Variants in IL12RB2 observed in about 807,000 individuals in gnomAD.
IL12RB2 encodes interleukin-12 receptor subunit beta-2.
Under a neutral mutation model 89.4 loss-of-function variants are expected in IL12RB2, and 82 were observed. The observed-to-expected ratio is 0.92, with a 90% CI of 0.77 to 1.10. IL12RB2 has a LOEUF of 1.10. Ranked by LOEUF, IL12RB2 falls within the 50% of genes least tolerant of loss-of-function variation. The probability of loss-of-function intolerance (pLI) is 0.00; values close to 1 mark genes in which losing one functional copy is unlikely to be tolerated. For missense variants in IL12RB2, 963 were observed against 1,031.9 expected (o/e 0.93, Z 0.92); for synonymous variants, 368 against 370.1 (o/e 0.99, Z 0.07).
intron 3 of IL12RB2, 84 bp downstream of exon 3, chr1:67,320,528 T>C (rs1267296693): frequency 3.7e-6 from 6 of 1,601,706 alleles, no homozygotes; most frequent in Non-Finnish European, 5.1e-6. Flanking sequence ...TTGTGGTAAA[T>C]GTTCTGGTAG....
Position 67,386,488 on chromosome 1 carries a change from G to A in IL12RB2, c.1856-91G>A, listed in dbSNP as rs948711142. 7.4e-5 allele frequency: 65 copies of A among 877,166 alleles called. No individual in the cohort carries two copies. In the Middle Eastern group the frequency reaches 8.6e-4, roughly 12 times the overall value. 54.3% of individuals were successfully genotyped at this position (877,166 alleles called of 1,614,324 possible). On this transcript the variant is annotated intron_variant, in intron 14 of 16. Coordinates refer to ENST00000674203, the MANE Select transcript of IL12RB2 (RefSeq NM_001374259.2). ...TGAGCACAGCTGCCCAGGAACTGTG[G>A]GTAAGGCCCAGAGGGCGCATACACC...
At chr1:67,334,243 T>C (rs1264893398) in intron 8 of IL12RB2, among the ~76,000 whole-genome samples, 1 of 152,202 alleles carries the variant, frequency 6.6e-6, no homozygotes, top group East Asian at 1.9e-4. Flanking sequence ...ATAGCAAACA[T>C]TTGATAACAG....
In IL12RB2 at chr1:67,396,424, G is replaced by T. The variant is rs1322352127; in HGVS notation, c.*335G>T. 2 of 431,994 alleles carry T rather than the reference G, an allele frequency of 4.6e-6. No homozygotes were observed. The highest frequency in any genetic ancestry group is 8.7e-6 in the Non-Finnish European group (2 of 230,282). The allele number at this position is 431,994 out of a possible 1,614,324, so 26.8% of individuals were successfully genotyped here. A position where few individuals can be genotyped will look rare whatever the true frequency, so the allele number is the denominator to read the frequency against. ...GAAACCACAGCTCTTAGTAGTAATGGCATACAGTCTAGAGGACCATTCATG... is the reference window on the plus strand; with the variant it reads ...GAAACCACAGCTCTTAGTAGTAATGTCATACAGTCTAGAGGACCATTCATG... On this transcript the variant is annotated 3_prime_UTR_variant, in exon 17 of 17. Transcript: ENST00000674203.
At chr1:67,343,568 C>T (rs1214427835) in intron 9 of IL12RB2, among the ~76,000 whole-genome samples, 1 of 152,138 alleles carries the variant, frequency 6.6e-6, no homozygotes, top group Non-Finnish European at 1.5e-5. Context: ...GGGCTTTTAG[C>T]AATCCTCTCC....
chr1:67,340,237 C>T (rs978994183), intron 9 of IL12RB2, among the ~76,000 whole-genome samples: 8 of 152,312 alleles, frequency 5.3e-5, no homozygotes, highest in Admixed American at 2.6e-4. Context: ...CACTTTGAAA[C>T]TAACACTGCA....
chr1:67,374,229 G>T (rs1663694227), intron 13 of IL12RB2, among the ~76,000 whole-genome samples: 1 of 152,110 alleles, frequency 6.6e-6, no homozygotes, highest in Non-Finnish European at 1.5e-5. Context: ...GGCATCATAA[G>T]GGCTTATGGT....
chr1:67,323,676 T>C lies in IL12RB2; in HGVS notation c.364+1787T>C, dbSNP rs115271210. Among the ~76,000 whole-genome samples the C allele has an allele frequency of 9.7e-3, 1,484 of 152,272 alleles. 19 individuals are homozygous for C. Among genetic ancestry groups the C allele is most frequent in the African/African-American group, 0.033 (1,384 of 41,548 alleles). On this transcript the variant is annotated intron_variant, in intron 4 of 16. Coordinates refer to ENST00000674203, the MANE Select transcript of IL12RB2 (RefSeq NM_001374259.2). ...GGTAGAATAAAGACATTTTAAACTA[T>C]GCTCAAAATATTTCCTCGCATGCAC...
Position 67,353,386 on chromosome 1 carries a change from T to G in IL12RB2, c.1258+2297T>G, listed in dbSNP as rs372796864. ...AAGTTTGAGACCAGCCAGGCCAACA[T>G]AAGGAAAAAGATACAAAAAAAAATA... On this transcript the variant is annotated intron_variant, in intron 10 of 16. Transcript: ENST00000674203. Among the ~76,000 whole-genome samples the G allele has an allele frequency of 1.8e-4, 27 of 151,682 alleles. No homozygotes were observed. In the East Asian group the frequency reaches 4.4e-3, roughly 25 times the overall value.
At chr1:67,345,910 G>A (rs1251325597) in intron 9 of IL12RB2, among the ~76,000 whole-genome samples, 2 of 152,158 alleles carry the variant, frequency 1.3e-5, no homozygotes, top group Non-Finnish European at 2.9e-5. Flanking sequence ...GATGGAAAGG[G>A]CATTTTAAAG....
In IL12RB2 at chr1:67,329,592, C is replaced by G. The variant is rs1000829345; in HGVS notation, c.670C>G (p.Pro224Ala). 6.3e-7 allele frequency: 1 copy of G among 1,578,846 alleles called. No homozygotes were observed. The highest frequency in any genetic ancestry group is 8.7e-7 in the Non-Finnish European group (1 of 1,147,960). ...TTGTTTGTCCTGGTTACTAGTGAGGCCTCTTCCTCCGTGGGACATTAGAAT... is the reference window on the plus strand; with the variant it reads ...TTGTTTGTCCTGGTTACTAGTGAGGGCTCTTCCTCCGTGGGACATTAGAAT... Reference protein sequence around the residue: ...STFTFLDIVRPLPPWDIRIKF... With the variant: ...STFTFLDIVRALPPWDIRIKF... The change falls in exon 7 of 17, where the codon CCT (proline) becomes GCT (alanine). Residue 224 changes from proline (P) to alanine (A), a missense_variant. Physicochemically the swap from Pro to Ala is conservative, Grantham distance 27 (BLOSUM62 -1). Transcript: ENST00000674203.
intron 10 of IL12RB2, among the ~76,000 whole-genome samples, chr1:67,362,908 CG>C (rs749302166): frequency 8.7e-6 from 1 of 115,346 alleles, no homozygotes; most frequent in Admixed American, 8.6e-5. Context: ...TTTAATTACT[CG>C]TTTTTTTTTT....
intron 13 of IL12RB2, among the ~76,000 whole-genome samples, chr1:67,378,639 C>T (rs1664224548): frequency 6.7e-6 from 1 of 149,214 alleles, no homozygotes; most frequent in African/African-American, 2.5e-5. Flanking sequence ...ATCACCAGGT[C>T]AGGAGTTCGA....
At chr1:67,394,150 G>C (rs200331519) in intron 16 of IL12RB2, among the ~76,000 whole-genome samples, 1 of 152,130 alleles carries the variant, frequency 6.6e-6, no homozygotes, top group East Asian at 1.9e-4. Flanking sequence ...AGTAAGACCG[G>C]GACAGTGGTT....
intron 10 of IL12RB2, among the ~76,000 whole-genome samples, chr1:67,359,142 AAAAAT>A (rs1661710397): frequency 1.3e-5 from 2 of 152,158 alleles, no homozygotes; most frequent in African/African-American, 2.4e-5. Flanking sequence ...CTCTGTCTGA[AAAAAT>A]AAAATAAAAT....
At chr1:67,346,898 A>G (rs1470169459) in intron 9 of IL12RB2, among the ~76,000 whole-genome samples, 1 of 152,230 alleles carries the variant, frequency 6.6e-6, no homozygotes, top group African/African-American at 2.4e-5. Context: ...ATGTAAGTGT[A>G]TTAGCAAAAC....
rs1453320168 is a variant in IL12RB2, at chr1:67,398,636, C to G, written c.*2547C>G. ...TGTTGGACTGCAGACAACTTGAAAG[C>G]AGGAACTTTGGCAGTGTTTCCCCAG... On this transcript the variant is annotated 3_prime_UTR_variant, in exon 17 of 17. Coordinates refer to ENST00000674203, the MANE Select transcript of IL12RB2 (RefSeq NM_001374259.2). Among the ~76,000 whole-genome samples the G allele has an allele frequency of 1.3e-5, 2 of 152,020 alleles. No individual in the cohort carries two copies. The highest frequency in any genetic ancestry group is 1.3e-4 in the Admixed American group (2 of 15,256).
intron 10 of IL12RB2, among the ~76,000 whole-genome samples, chr1:67,358,583 A>AAATT (rs1661650937): frequency 6.6e-6 from 1 of 152,044 alleles, no homozygotes; most frequent in Admixed American, 6.6e-5. Flanking sequence ...TCTCAAAAAA[A>AAATT]AATTAATTAA....
intron 2 of IL12RB2, among the ~76,000 whole-genome samples, chr1:67,315,472 T>A (rs561559713): frequency 9.8e-5 from 15 of 152,304 alleles, no homozygotes; most frequent in African/African-American, 3.6e-4. Flanking sequence ...ATTTTATCTA[T>A]GCCAGAATAT....
chr1:67,379,950 T>C, intron 13 of IL12RB2, 36 bp from the exon 14 acceptor site: 1 of 1,506,672 alleles, frequency 6.6e-7, no homozygotes, highest in African/African-American at 1.4e-5. Flanking sequence ...GCCATATCCT[T>C]TAATACATGC....
Sources: gnomAD v4.1 joint callset for allele counts (sites outside exome capture counted in the v4.1 genomes callset) on GRCh38, gnomAD v4.1.1 for gene constraint, MANE v1.5 for transcripts, NCBI Gene and HGNC (gene_info 2026-07-23, HGNC 2026-07-21) for gene names.